SYN3: variants seen among roughly 807,000 people sequenced by gnomAD.
The protein encoded by SYN3 is synapsin III.
In SYN3, 35 loss-of-function variants were observed where a neutral mutation model predicts 65.8. That is an observed-to-expected ratio of 0.53 (90% CI 0.41 to 0.70). The LOEUF (loss-of-function observed/expected upper bound fraction) is 0.70, where lower values mean the gene tolerates loss of function less well. Ranked by LOEUF, SYN3 falls within the 30% of genes least tolerant of loss-of-function variation. The probability of loss-of-function intolerance (pLI) is 0.00; values close to 1 mark genes in which losing one functional copy is unlikely to be tolerated. For synonymous variants in SYN3, 270 were observed against 292.9 expected, an observed-to-expected ratio of 0.92 and a Z score of 0.80; for missense variants, 680 against 749.0, an observed-to-expected ratio of 0.91 and a Z score of 1.08.
chr22:32,873,331 G>A (rs2048900673), intron 4 of SYN3, among the ~76,000 whole-genome samples: 1 of 147,414 alleles, frequency 6.8e-6, no homozygotes, highest in South Asian at 2.2e-4. Flanking sequence ...AAGGGCATAA[G>A]GTGGTCCAAA....
intron 1 of SYN3, among the ~76,000 whole-genome samples, chr22:33,028,026 G>T (rs57190782): frequency 6.6e-6 from 1 of 152,164 alleles, no homozygotes; most frequent in Non-Finnish European, 1.5e-5. Context: ...CTTCCCCAAG[G>T]CTGTGTGTCT....
chr22:32,528,751 A>C, intron 11 of SYN3, 123 bp downstream of exon 11: 1 of 1,393,474 alleles, frequency 7.2e-7, no homozygotes, highest in Non-Finnish European at 9.7e-7. Flanking sequence ...CCACACCCCC[A>C]TTCCTTCTCC....
chr22:32,752,960 G>C (rs2045176328), intron 6 of SYN3, among the ~76,000 whole-genome samples: 2 of 152,154 alleles, frequency 1.3e-5, no homozygotes, highest in African/African-American at 4.8e-5. Flanking sequence ...CTGGGGAACA[G>C]CTCCAGCCTC....
chr22:32,928,252 C>T (rs1457200347), intron 4 of SYN3, among the ~76,000 whole-genome samples: 1 of 152,094 alleles, frequency 6.6e-6, no homozygotes, highest in Non-Finnish European at 1.5e-5. Flanking sequence ...AGGGTGTGAA[C>T]CTGGAAGGCA....
intron 3 of SYN3, among the ~76,000 whole-genome samples, chr22:32,943,204 G>A (rs1001415584): frequency 1.3e-5 from 2 of 152,116 alleles, no homozygotes; most frequent in African/African-American, 4.8e-5. Flanking sequence ...GAGAAAGGTC[G>A]GGTTACCCAC....
At chr22:32,738,394 G>C (rs755511994) in intron 6 of SYN3, among the ~76,000 whole-genome samples, 1 of 152,168 alleles carries the variant, frequency 6.6e-6, no homozygotes, top group Non-Finnish European at 1.5e-5. Context: ...GAAACACAGC[G>C]TTCAAAGAGG....
chr22:32,612,443 A>G (rs2059457957), intron 6 of SYN3, among the ~76,000 whole-genome samples: 1 of 152,242 alleles, frequency 6.6e-6, no homozygotes, highest in South Asian at 2.1e-4. Flanking sequence ...TGGTATCCAC[A>G]GAGAACTGGA....
chr22:33,050,591 A>G (rs1304395889), intron 1 of SYN3, among the ~76,000 whole-genome samples: 1 of 152,180 alleles, frequency 6.6e-6, no homozygotes, highest in Non-Finnish European at 1.5e-5. Context: ...GTGGTCCCAG[A>G]CAGTGAGTGG....
At chr22:32,813,459 T>G (rs2046966340) in intron 6 of SYN3, among the ~76,000 whole-genome samples, 1 of 149,184 alleles carries the variant, frequency 6.7e-6, no homozygotes, top group Non-Finnish European at 1.5e-5. Flanking sequence ...GAAATCCAAA[T>G]TTTTAATGTA....
intron 6 of SYN3, among the ~76,000 whole-genome samples, chr22:32,827,286 C>T (rs142971935): frequency 6.4e-4 from 97 of 152,306 alleles, no homozygotes; most frequent in African/African-American, 1.7e-3. Flanking sequence ...CAGGCGTGGC[C>T]TATAGCAAAG....
At chr22:32,645,485 A>G (rs2059971011) in intron 6 of SYN3, among the ~76,000 whole-genome samples, 1 of 151,488 alleles carries the variant, frequency 6.6e-6, no homozygotes, top group African/African-American at 2.4e-5. Context: ...CAGGAATGGC[A>G]GAAAAATACC....
At chr22:32,968,455 A>G (rs1202289627) in intron 3 of SYN3, among the ~76,000 whole-genome samples, 2 of 152,146 alleles carry the variant, frequency 1.3e-5, no homozygotes, top group African/African-American at 4.8e-5. Context: ...ACAGCACTCC[A>G]TGGCTTAAAA....
intron 6 of SYN3, among the ~76,000 whole-genome samples, chr22:32,745,687 CAG>C (rs1465440306): frequency 4.6e-5 from 7 of 151,974 alleles, no homozygotes. Flanking sequence ...AGAGAGGAGA[CAG>C]AGGCAGAGAG....
At chr22:32,821,278 G>T (rs887347687) in intron 6 of SYN3, among the ~76,000 whole-genome samples, 1 of 152,182 alleles carries the variant, frequency 6.6e-6, no homozygotes, top group Non-Finnish European at 1.5e-5. Context: ...GCAGGTGGGT[G>T]AGAGATGCCA....
chr22:32,935,304 TCTCTCA>T (rs1034226463), intron 3 of SYN3, among the ~76,000 whole-genome samples: 5 of 149,570 alleles, frequency 3.3e-5, no homozygotes, highest in African/African-American at 7.3e-5. Context: ...TCTCTCTCTC[TCTCTCA>T]CACACACACA....
At chr22:32,884,447 G>A (rs2049234150) in intron 4 of SYN3, among the ~76,000 whole-genome samples, 1 of 152,224 alleles carries the variant, frequency 6.6e-6, no homozygotes, top group African/African-American at 2.4e-5. Context: ...GTACTTCAGA[G>A]TGTTGCTAAG....
chr22:32,936,218 A>T (rs570401081), intron 3 of SYN3, among the ~76,000 whole-genome samples: 2 of 152,310 alleles, frequency 1.3e-5, no homozygotes, highest in South Asian at 4.1e-4. Context: ...AACAACAATA[A>T]AGCCAGACAA....
chr22:32,811,024 G>A (rs1253684953), intron 6 of SYN3, among the ~76,000 whole-genome samples: 1 of 152,172 alleles, frequency 6.6e-6, no homozygotes, highest in African/African-American at 2.4e-5. Flanking sequence ...TGGCAATTAA[G>A]TGAAATACTT....
chr22:32,521,607 C>A (rs2057884590), intron 12 of SYN3, among the ~76,000 whole-genome samples: 1 of 151,988 alleles, frequency 6.6e-6, no homozygotes, highest in Non-Finnish European at 1.5e-5. Flanking sequence ...CCACCACGCC[C>A]AGCTAATTTT....
Sources: gnomAD v4.1 joint callset for allele counts (sites outside exome capture counted in the v4.1 genomes callset) on GRCh38, gnomAD v4.1.1 for gene constraint, MANE v1.5 for transcripts, NCBI Gene and HGNC (gene_info 2026-07-23, HGNC 2026-07-21) for gene names.